The following NRG4 variants were observed in gnomAD, a reference collection of about 807,000 sequenced individuals.
The protein encoded by NRG4 is pro-neuregulin-4, membrane-bound isoform.
In NRG4, 10 loss-of-function variants were observed where a neutral mutation model predicts 15.0. That is an observed-to-expected ratio of 0.67 (90% CI 0.41 to 1.13). The LOEUF (loss-of-function observed/expected upper bound fraction) is 1.13, where lower values mean the gene tolerates loss of function less well. NRG4 is among the 50% of genes most tolerant of loss of function. The probability of loss-of-function intolerance (pLI) is 0.00; values close to 1 mark genes in which losing one functional copy is unlikely to be tolerated. For missense variants in NRG4, 139 were observed against 140.2 expected (o/e 0.99, Z 0.04); for synonymous variants, 41 against 50.1 (o/e 0.82, Z 0.77).
At chr15:75,951,882 G>C (rs1316915782) in intron 5 of NRG4, among the ~76,000 whole-genome samples, 3 of 152,120 alleles carry the variant, frequency 2.0e-5, no homozygotes, top group Non-Finnish European at 4.4e-5. Flanking sequence ...TACCCACATA[G>C]TTGTCATTTC....
At chr15:75,961,690 C>CCA (rs1567077776) in intron 4 of NRG4, 138 bp downstream of exon 4, 1 of 610,930 alleles carries the variant, frequency 1.6e-6, no homozygotes, top group African/African-American at 1.9e-5. Flanking sequence ...AAATTAGTAA[C>CCA]AAAAACTGTA....
At chr15:76,001,196 T>C (rs899779788) in intron 3 of NRG4, among the ~76,000 whole-genome samples, 5 of 152,040 alleles carry the variant, frequency 3.3e-5, no homozygotes, top group African/African-American at 9.7e-5. Flanking sequence ...TCTTACTATG[T>C]TGTCCAGGCT....
intron 3 of NRG4, among the ~76,000 whole-genome samples, chr15:75,976,858 G>C (rs778880432): frequency 1.3e-5 from 2 of 152,250 alleles, no homozygotes; most frequent in Non-Finnish European, 2.9e-5. Flanking sequence ...CTTGAGTGCT[G>C]TGCTGGGAGA....
intron 3 of NRG4, among the ~76,000 whole-genome samples, chr15:75,980,013 G>A (rs905287127): frequency 6.6e-6 from 1 of 152,080 alleles, no homozygotes; most frequent in Non-Finnish European, 1.5e-5. Context: ...AAAGACGTTT[G>A]TGGCTATATA....
At chr15:76,034,149 A>T (rs1295668078) in intron 5 of NRG4, among the ~76,000 whole-genome samples, 2 of 152,252 alleles carry the variant, frequency 1.3e-5, no homozygotes, top group Admixed American at 6.5e-5. Flanking sequence ...TATCAAGTGC[A>T]AATACGGCAA....
intron 4 of NRG4, among the ~76,000 whole-genome samples, chr15:75,959,309 C>G (rs192180308): frequency 2.6e-4 from 40 of 152,266 alleles, no homozygotes; most frequent in South Asian, 1.0e-3. Flanking sequence ...ACAAATCACT[C>G]TCAACAATTC....
intron 4 of NRG4, among the ~76,000 whole-genome samples, chr15:76,037,062 C>T (rs2035612825): frequency 6.6e-6 from 1 of 151,996 alleles, no homozygotes; most frequent in African/African-American, 2.4e-5. Flanking sequence ...AATCAACATA[C>T]AAAAATCAAT....
intron 5 of NRG4, among the ~76,000 whole-genome samples, chr15:76,032,402 T>C (rs1435062260): frequency 2.0e-5 from 3 of 152,126 alleles, no homozygotes; most frequent in Non-Finnish European, 2.9e-5. Context: ...ATTTAATAAA[T>C]AACAGAATAT....
chr15:75,977,107 C>T lies in NRG4; in HGVS notation c.105-15133G>A, dbSNP rs2141843903. Among the ~76,000 whole-genome samples, 1 of 152,324 alleles carries T rather than the reference C, an allele frequency of 6.6e-6. No homozygotes were observed. The highest frequency in any genetic ancestry group is 6.5e-5 in the Admixed American group (1 of 15,296). ...GGTGGGCTCTGCCCTGTCCAAACTT[C>T]CCAGCAGTTTTGTTTACACTATGAG... On this transcript the variant is annotated intron_variant, in intron 3 of 5. Transcript: ENST00000394907. This position sits in a 1 kb window ranked among gnomAD's most constrained non-coding sequence, Gnocchi z 4.9.
At chr15:75,974,774 T>C (rs1175395247) in intron 3 of NRG4, among the ~76,000 whole-genome samples, 1 of 152,154 alleles carries the variant, frequency 6.6e-6, no homozygotes, top group Non-Finnish European at 1.5e-5. Context: ...TTACTTCCAA[T>C]TATGTAGTCA....
chr15:76,059,303 G>A (rs936469827), intron 1 of NRG4, among the ~76,000 whole-genome samples: 2 of 152,242 alleles, frequency 1.3e-5, no homozygotes, highest in African/African-American at 4.8e-5. Flanking sequence ...CACTCTGACC[G>A]TGCTATGACT....
rs1018642244 is a variant in NRG4, at chr15:76,050,436, C to T, written c.-105+1631G>A. Reference sequence around the variant, plus strand: ...AAGCATTATTGTCACCCCGAGCCTTCGTTTTTTTTTTTTTTTTTTTTTTGA... The same window carrying T: ...AAGCATTATTGTCACCCCGAGCCTTTGTTTTTTTTTTTTTTTTTTTTTTGA... On this transcript the variant is annotated intron_variant, in intron 4 of 8. Coordinates refer to the NRG4 transcript ENST00000563910. 8.2e-5 allele frequency among the ~76,000 whole-genome samples: 10 copies of T among 121,956 alleles called. 1 individual carries two copies. Among genetic ancestry groups the T allele is most frequent in the African/African-American group, 3.1e-4 (10 of 31,750 alleles). 80.0% of individuals were successfully genotyped at this position (121,956 alleles called of 152,430 possible).
At chr15:75,950,458 T>TC in intron 5 of NRG4, 2 of 229,180 alleles carry the variant, frequency 8.7e-6, no homozygotes, top group South Asian at 7.9e-5. Context: ...ATGGGGACAG[T>TC]CCCTCTGGTC....
chr15:75,963,001 C>G (rs1274161583), intron 3 of NRG4, among the ~76,000 whole-genome samples: 1 of 152,034 alleles, frequency 6.6e-6, no homozygotes, highest in Non-Finnish European at 1.5e-5. Flanking sequence ...TTTCTTCCAC[C>G]TTAGACTAAT....
At chr15:76,044,840 CAAAAAA>C (rs35017424) in intron 4 of NRG4, among the ~76,000 whole-genome samples, 1 of 62,504 alleles carries the variant, frequency 1.6e-5, no homozygotes, top group Non-Finnish European at 3.4e-5. Context: ...GACTCTGTCT[CAAAAAA>C]AAAAAAAAAA....
chr15:75,936,122 T>G (rs1006587509), downstream of NRG4: 13 of 152,186 alleles, frequency 8.5e-5, no homozygotes, highest in Admixed American at 3.3e-4. Context: ...TCTGCAGAAA[T>G]TTTTAAGAAT....
intron 5 of NRG4, 103 bp from the exon 6 acceptor site, chr15:75,943,757 AC>A: frequency 1.3e-6 from 1 of 751,216 alleles, no homozygotes; most frequent in South Asian, 1.7e-5. Flanking sequence ...ATATAAGCCA[AC>A]CCCTTCTGTT....
intron 2 of NRG4, among the ~76,000 whole-genome samples, chr15:76,056,748 T>G (rs2036161424): frequency 6.6e-6 from 1 of 152,226 alleles, no homozygotes; most frequent in Non-Finnish European, 1.5e-5. Context: ...TCAGATTCAC[T>G]TGTTCTATTT....
intron 2 of NRG4, among the ~76,000 whole-genome samples, chr15:76,056,315 G>A (rs1162218255): frequency 6.6e-6 from 1 of 152,134 alleles, no homozygotes; most frequent in Admixed American, 6.5e-5. Context: ...AAATTAGCTG[G>A]GTGTGCTGGC....
Sources: gnomAD v4.1 joint callset for allele counts (sites outside exome capture counted in the v4.1 genomes callset) on GRCh38, gnomAD v4.1.1 for gene constraint, Gnocchi (gnomAD v3.1) non-coding constraint, MANE v1.5 for transcripts, NCBI Gene and HGNC (gene_info 2026-07-23, HGNC 2026-07-21) for gene names.